ABCC1: variants seen among roughly 807,000 people sequenced by gnomAD.
The protein encoded by ABCC1 is multidrug resistance-associated protein 1.
A neutral mutation model predicts 172.9 loss-of-function variants in ABCC1; 83 were observed. That is an observed-to-expected ratio of 0.48 (90% CI 0.40 to 0.58). The LOEUF is 0.58. Ranked by LOEUF, ABCC1 falls within the 20% of genes least tolerant of loss-of-function variation. The pLI is 0.00. For synonymous variants in ABCC1, 937 were observed against 825.2 expected, an observed-to-expected ratio of 1.14 and a Z score of -2.32; for missense variants, 1,817 against 2,002.7, an observed-to-expected ratio of 0.91 and a Z score of 1.77.
At position 16,115,052 on chromosome 16, in the gene ABCC1, T is replaced by C. The variant is rs749150545; in HGVS notation, c.3366T>C (p.Leu1122=). Residue 1122 remains leucine, a synonymous_variant, in exon 23 of 31, where the codon CTT becomes CTC. Transcript: ENST00000399410. ...TPIAAIIIPP[L]GLIYFFVQRF... ...TCGCCGCCATCATCATCCCGCCCCTTGGCCTCATCTACTTCTTCGTCCAGG... is the reference window on the plus strand; with the variant it reads ...TCGCCGCCATCATCATCCCGCCCCTCGGCCTCATCTACTTCTTCGTCCAGG... 2 of 1,614,050 alleles carry C rather than the reference T, an allele frequency of 1.2e-6. No individual in the cohort carries two copies. Among genetic ancestry groups the C allele is most frequent in the Non-Finnish European group, 1.7e-6 (2 of 1,179,878 alleles).
intron 6 of ABCC1, among the ~76,000 whole-genome samples, chr16:16,034,021 A>ATTTTTTTTT (rs1567332583): frequency 1.4e-4 from 7 of 48,994 alleles, no homozygotes; most frequent in African/African-American, 4.2e-4. Context: ...AATAAGCATC[A>ATTTTTTTTT]TCTTTTTTTT....
intron 26 of ABCC1, among the ~76,000 whole-genome samples, chr16:16,128,239 A>G (rs530368489): frequency 3.7e-4 from 57 of 152,016 alleles, no homozygotes; most frequent in Middle Eastern, 3.4e-3. Flanking sequence ...GTGCAGTGGC[A>G]TGATCTCAGC....
rs201790311 is a variant in ABCC1, at chr16:16,052,838, G to T, written c.1473+22G>T. The T allele has an allele frequency of 6.9e-5, 111 of 1,612,408 alleles. No individual in the cohort carries two copies. The African/African-American group carries it at 1.2e-3, about 17-fold the overall frequency. On this transcript the variant is annotated intron_variant, in intron 11 of 30. Coordinates refer to ENST00000399410, the MANE Select transcript of ABCC1 (RefSeq NM_004996.4). ...TCAGGTAAGGCATGTGTCTCTGCGG[G>T]CCCCCAAGCCGGGCCCTAGGCAGAG... is the stretch of plus-strand genomic sequence containing the variant.
intron 6 of ABCC1, among the ~76,000 whole-genome samples, 160 bp from the exon 7 acceptor site, chr16:16,036,312 A>C (rs550023414): frequency 3.3e-5 from 5 of 151,890 alleles, no homozygotes; most frequent in African/African-American, 1.2e-4. Flanking sequence ...GTCCATCTGC[A>C]TTCTGACTTC....
At chr16:15,974,262 CA>C (rs2046434237) in intron 1 of ABCC1, among the ~76,000 whole-genome samples, 1 of 152,086 alleles carries the variant, frequency 6.6e-6, no homozygotes. Flanking sequence ...CTCGGTTTGG[CA>C]AAAACAAACC....
chr16:16,075,844 C>T (rs1389739606), intron 14 of ABCC1, among the ~76,000 whole-genome samples: 4 of 152,080 alleles, frequency 2.6e-5, no homozygotes, highest in Admixed American at 6.5e-5. Context: ...GAAGGGTGAA[C>T]GACCTCCCTT....
chr16:16,006,454 A>G (rs113787955), intron 1 of ABCC1, among the ~76,000 whole-genome samples: 1,795 of 152,238 alleles, frequency 0.012, 42 homozygotes, highest in African/African-American at 0.042. Context: ...TAAATTCTTC[A>G]TTACAGAACA....
At chr16:15,963,687 C>T (rs1434130789) in intron 1 of ABCC1, among the ~76,000 whole-genome samples, 4 of 152,224 alleles carry the variant, frequency 2.6e-5, no homozygotes, top group Non-Finnish European at 5.9e-5. Flanking sequence ...TCCTCTTAGC[C>T]ATGACTGGAG....
intron 11 of ABCC1, among the ~76,000 whole-genome samples, chr16:16,053,159 C>T (rs1351463977): frequency 2.6e-5 from 4 of 152,148 alleles, no homozygotes; most frequent in African/African-American, 4.8e-5. Context: ...TTGTTTCCCA[C>T]GGTCTTGTTT....
In ABCC1 at chr16:16,083,830, G is replaced by A. The variant is rs11075295; in HGVS notation, c.2292+288G>A. Among the ~76,000 whole-genome samples, 126,816 of 152,074 alleles carry A rather than the reference G, an allele frequency of 0.83. 52,962 individuals carry two copies. Among genetic ancestry groups the A allele is most frequent in the Non-Finnish European group, 0.85 (57,582 of 68,004 alleles). Reference sequence around the variant, plus strand: ...GCAGAGGCCCAAGATAGGCCCCCCAGAAAGCATGCAATGTCCCTTAAAGTA... The same window carrying A: ...GCAGAGGCCCAAGATAGGCCCCCCAAAAAGCATGCAATGTCCCTTAAAGTA... On this transcript the variant is annotated intron_variant, in intron 17 of 30. Transcript: ENST00000399410.
chr16:16,094,226 T>C, intron 19 of ABCC1: 2 of 273,638 alleles, frequency 7.3e-6, no homozygotes, highest in Non-Finnish European at 1.5e-5. Flanking sequence ...GCAACTTAGG[T>C]GCTTTCTTCA....
intron 15 of ABCC1, 49 bp downstream of exon 15, chr16:16,076,450 C>CT: frequency 6.6e-7 from 1 of 1,517,076 alleles, no homozygotes; most frequent in South Asian, 1.2e-5. Context: ...AGCCACAGGG[C>CT]TTTTGTTAAA....
intron 1 of ABCC1, among the ~76,000 whole-genome samples, chr16:15,950,721 G>A (rs1162173330): frequency 6.6e-6 from 1 of 152,122 alleles, no homozygotes; most frequent in African/African-American, 2.4e-5. Flanking sequence ...CTTGATTGTT[G>A]GTGAACGCAG....
At chr16:16,096,639 G>A (rs770624224) in intron 19 of ABCC1, among the ~76,000 whole-genome samples, 17 of 152,162 alleles carry the variant, frequency 1.1e-4, no homozygotes, top group Non-Finnish European at 1.6e-4. Flanking sequence ...AAAATGAGGC[G>A]TTGACTATAA....
intron 24 of ABCC1, among the ~76,000 whole-genome samples, chr16:16,124,377 C>CTG (rs10673887): frequency 0.023 from 1,040 of 44,862 alleles, 84 homozygotes; most frequent in South Asian, 0.044. Flanking sequence ...CTACGCCCGG[C>CTG]TGTGTGTGTG....
At chr16:15,996,392 G>A (rs951890272) in intron 1 of ABCC1, among the ~76,000 whole-genome samples, 3 of 152,160 alleles carry the variant, frequency 2.0e-5, no homozygotes, top group African/African-American at 7.2e-5. Flanking sequence ...TTCAAGTGCT[G>A]GGAAATATAG....
rs774858717 is a variant in ABCC1 at position 16,111,481 on chromosome 16, A to G, written c.2978A>G (p.Asn993Ser). 43 of 1,613,958 alleles carry G rather than the reference A, an allele frequency of 2.7e-5. No homozygotes were observed. Among genetic ancestry groups the G allele is most frequent in the Admixed American group, 1.2e-4 (7 of 59,986 alleles). Residue 993 changes from asparagine (N) to serine (S), a missense_variant, in exon 22 of 31, where the codon AAC (asparagine) becomes AGC (serine). Transcript: ENST00000399410. ...MCNHVSALAS[N>S]YWLSLWTDDP... ...AACCATGTGTCCGCGCTGGCTTCCA[A>G]CTATTGGCTCAGCCTCTGGACTGAT...
At chr16:16,112,882 C>G (rs1409810890) in intron 22 of ABCC1, among the ~76,000 whole-genome samples, 3 of 152,156 alleles carry the variant, frequency 2.0e-5, no homozygotes, top group Non-Finnish European at 4.4e-5. Flanking sequence ...GATGAGGAAA[C>G]TGAGAGATTC....
intron 10 of ABCC1, among the ~76,000 whole-genome samples, chr16:16,050,327 T>C (rs1480326909): frequency 6.6e-6 from 1 of 152,002 alleles, no homozygotes; most frequent in African/African-American, 2.4e-5. Flanking sequence ...GGCATGGTGG[T>C]GTATGCCTAT....
Sources: allele counts gnomAD v4.1 joint callset (sites outside exome capture counted in the v4.1 genomes callset), GRCh38; gene constraint gnomAD v4.1.1; transcripts MANE v1.5; gene names NCBI Gene and HGNC (gene_info 2026-07-23, HGNC 2026-07-21).